Variants in C5orf24 observed in about 807,000 individuals in gnomAD.
The protein encoded by C5orf24 is chromosome 5 open reading frame 24, also known as UPF0461 protein C5orf24.
In C5orf24, 4 loss-of-function variants were observed where a neutral mutation model predicts 9.8. The ratio of observed to expected loss-of-function variants is 0.41; its 90% CI spans 0.20 to 0.93. The LOEUF is 0.93. Among genes scored for constraint, C5orf24 ranks in the 40% least tolerant of loss-of-function variants. The probability of loss-of-function intolerance (pLI) is 0.33; values close to 1 mark genes in which losing one functional copy is unlikely to be tolerated. For synonymous variants in C5orf24, 73 were observed against 81.3 expected (o/e 0.90, Z 0.55); for missense variants, 170 against 236.9 (o/e 0.72, Z 1.85).
chr5:134,850,248 A>C (rs1016337963), intron 1 of C5orf24, among the ~76,000 whole-genome samples: 1 of 151,998 alleles, frequency 6.6e-6, no homozygotes, highest in Non-Finnish European at 1.5e-5. Flanking sequence ...TCCCAGGTTC[A>C]AGCGATTCTC....
chr5:134,854,318 A>T (rs1756248933), intron 1 of C5orf24, among the ~76,000 whole-genome samples: 1 of 152,170 alleles, frequency 6.6e-6, no homozygotes, highest in Non-Finnish European at 1.5e-5. Context: ...AGCAGTAGAG[A>T]TTGTGTTCAT....
Position 134,855,006 on chromosome 5 carries a change from T to G in C5orf24, c.106T>G (p.Ser36Ala), listed in dbSNP as rs764906069. 6.2e-7 allele frequency: 1 copy of G among 1,613,980 alleles called. No individual in the cohort carries two copies. Among genetic ancestry groups the G allele is most frequent in the South Asian group, 1.1e-5 (1 of 91,076 alleles). ...MRAADQFDIY[S>A]SQQSKYSHTV... ...AGCTGCTGATCAGTTTGACATATAT[T>G]CCTCCCAGCAAAGCAAATACAGCCA... Residue 36 changes from serine (S) to alanine (A), a missense_variant, in exon 2 of 2, where the codon TCC becomes GCC. Physicochemically the swap from Ser to Ala is moderately conservative, Grantham distance 99. Transcript: ENST00000394976.
chr5:134,852,367 A>T (rs749644437), intron 1 of C5orf24, among the ~76,000 whole-genome samples: 8 of 152,218 alleles, frequency 5.3e-5, no homozygotes, highest in Non-Finnish European at 1.2e-4. Flanking sequence ...GTAGCTTCTC[A>T]CTGTAGATAT....
chr5:134,853,897 A>G (rs1338795355), intron 1 of C5orf24, among the ~76,000 whole-genome samples: 1 of 152,164 alleles, frequency 6.6e-6, no homozygotes, highest in Non-Finnish European at 1.5e-5. Context: ...CCTGACCAAC[A>G]TGGTGAAACC....
upstream of C5orf24, among the ~76,000 whole-genome samples, chr5:134,844,988 G>A (rs546751016): frequency 6.6e-6 from 1 of 152,242 alleles, no homozygotes; most frequent in South Asian, 2.1e-4. Flanking sequence ...TGCCCGCCTC[G>A]GCCTCCCAAA....
At chr5:134,849,580 G>T (rs1756097930) in intron 1 of C5orf24, among the ~76,000 whole-genome samples, 1 of 150,538 alleles carries the variant, frequency 6.6e-6, no homozygotes, top group Admixed American at 6.6e-5. Flanking sequence ...TGATTTCTTG[G>T]CAGTAGCAGG....
At chr5:134,853,745 A>G (rs927384501) in intron 1 of C5orf24, among the ~76,000 whole-genome samples, 4 of 152,064 alleles carry the variant, frequency 2.6e-5, no homozygotes, top group African/African-American at 7.2e-5. Flanking sequence ...GGAGAAAGCA[A>G]TGTTGTACAT....
At chr5:134,843,476 C>T (rs1755929829), upstream of C5orf24, among the ~76,000 whole-genome samples, 1 of 152,124 alleles carries the variant, frequency 6.6e-6, no homozygotes, top group African/African-American at 2.4e-5. Flanking sequence ...CTTGGTCATC[C>T]AGGCTGGAGT....
chr5:134,845,082 C>G (rs1327941930), upstream of C5orf24, among the ~76,000 whole-genome samples: 1 of 152,208 alleles, frequency 6.6e-6, no homozygotes, highest in Non-Finnish European at 1.5e-5. Context: ...GTTCACATGG[C>G]TTATCTGTCT....
Position 134,857,512 on chromosome 5 carries a change from A to T in C5orf24, c.*2045A>T, listed in dbSNP as rs978843610. 1 of 1,283,250 alleles carries T rather than the reference A, an allele frequency of 7.8e-7. No homozygotes were observed. The highest frequency in any genetic ancestry group is 1.0e-6 in the Non-Finnish European group (1 of 980,278). The allele number at this position is 1,283,250 out of a possible 1,614,324, so 79.5% of individuals were successfully genotyped here. ...ACCTCAACAATATTAGCTTTGCACA[A>T]ACCATAGAGAACGATGTTGGATGGT... On this transcript the variant is annotated 3_prime_UTR_variant, in exon 2 of 2. Coordinates refer to ENST00000394976, the MANE Select transcript of C5orf24 (RefSeq NM_001135586.1).
upstream of C5orf24, among the ~76,000 whole-genome samples, chr5:134,841,406 A>G (rs1280028374): frequency 1.3e-5 from 2 of 151,998 alleles, no homozygotes; most frequent in Non-Finnish European, 2.9e-5. Context: ...GCTGGTCAAC[A>G]TGGTGAAACC....
chr5:134,839,024 C>T, the C5orf24 span, among the ~76,000 whole-genome samples: 1 of 151,920 alleles, frequency 6.6e-6, no homozygotes. Context: ...GCTTGGGCAA[C>T]ATGAGGAAAC....
chr5:134,841,645 G>A (rs1470662026), upstream of C5orf24, among the ~76,000 whole-genome samples: 1 of 152,144 alleles, frequency 6.6e-6, no homozygotes, highest in African/African-American at 2.4e-5. Context: ...AAGAGGAGAA[G>A]CTTTACTTCA....
At chr5:134,842,976 G>A (rs1222143257), upstream of C5orf24, among the ~76,000 whole-genome samples, 1 of 151,514 alleles carries the variant, frequency 6.6e-6, no homozygotes, top group Non-Finnish European at 1.5e-5. Flanking sequence ...ATGAATATTT[G>A]TCCCCATAAT....
At chr5:134,843,435 T>C (rs1040439452), upstream of C5orf24, among the ~76,000 whole-genome samples, 1 of 152,150 alleles carries the variant, frequency 6.6e-6, no homozygotes, top group African/African-American at 2.4e-5. Context: ...ATATTTTCTT[T>C]TTTCTTTATA....
intron 1 of C5orf24, among the ~76,000 whole-genome samples, chr5:134,847,222 T>A (rs1756020364): frequency 6.6e-6 from 1 of 152,226 alleles, no homozygotes; most frequent in South Asian, 2.1e-4. Flanking sequence ...TATTCGAATT[T>A]AGTCACAGTC....
chr5:134,834,492 A>C, the C5orf24 span, among the ~76,000 whole-genome samples: 1 of 152,180 alleles, frequency 6.6e-6, no homozygotes, highest in Admixed American at 6.5e-5. Context: ...AGTCCTCCCT[A>C]TCCCCAAACC....
In C5orf24 at chr5:134,848,957, CAAAAAA is replaced by C. The variant is rs1158688168; in HGVS notation, c.-4+2756_-4+2761del. Among the ~76,000 whole-genome samples the C allele has an allele frequency of 6.5e-3, 485 of 74,824 alleles. 5 individuals are homozygous for C. The Middle Eastern group carries it at 0.078, about 12-fold the overall frequency. The allele number at this position is 74,824 out of a possible 152,430, so 49.1% of individuals were successfully genotyped here. A position where few individuals can be genotyped will look rare whatever the true frequency, so the allele number is the denominator to read the frequency against. On this transcript the variant is annotated intron_variant, in intron 1 of 1. Transcript: ENST00000394976. ...GGGCAACAAGAGTGAAACTCCGTCTCAAAAAAAAAAAAAAAAGAGGCTGGGCGCGGT... is the reference window on the plus strand; with the variant it reads ...GGGCAACAAGAGTGAAACTCCGTCTCAAAAAAAAAAGAGGCTGGGCGCGGT...
rs1173264648 is a variant in C5orf24 at position 134,855,627 on chromosome 5, T to C, written c.*160T>C. The C allele has an allele frequency of 2.7e-6, 4 of 1,476,278 alleles. No individual in the cohort carries two copies. Among genetic ancestry groups the C allele is most frequent in the Non-Finnish European group, 3.6e-6 (4 of 1,119,142 alleles). 91.4% of individuals were successfully genotyped at this position (1,476,278 alleles called of 1,614,324 possible). A position where few individuals can be genotyped will look rare whatever the true frequency, so the allele number is the denominator to read the frequency against. On this transcript the variant is annotated 3_prime_UTR_variant, in exon 2 of 2. Transcript: ENST00000394976. ...CTTTTGCTCAAAAACTGCCATATGC[T>C]GACAGATGCACTCAGGGCATGAGCA... is the stretch of plus-strand genomic sequence containing the variant.
Sources: gnomAD v4.1 joint callset for allele counts (sites outside exome capture counted in the v4.1 genomes callset) on GRCh38, gnomAD v4.1.1 for gene constraint, MANE v1.5 for transcripts, NCBI Gene and HGNC (gene_info 2026-07-23, HGNC 2026-07-21) for gene names.